Variants in PDCD6 observed in about 807,000 individuals in gnomAD.
PDCD6 encodes programmed cell death 6.
Under a neutral mutation model 28.3 loss-of-function variants are expected in PDCD6, and 12 were observed. The observed-to-expected ratio is 0.42, with a 90% CI of 0.27 to 0.69. The LOEUF is 0.69. PDCD6 is among the 30% of genes least tolerant of loss of function. The pLI is 0.22. For synonymous variants in PDCD6, 92 were observed against 108.0 expected (o/e 0.85, Z 0.92); for missense variants, 226 against 269.9 (o/e 0.84, Z 1.14).
At chr5:288,715 ATTG>A (rs199864367) in intron 2 of PDCD6, 79,650 of 483,508 alleles carry the variant, frequency 0.16, 10,682 homozygotes, top group African/African-American at 0.53. Flanking sequence ...AAAGTACTTT[ATTG>A]TTTTACAACC....
Position 314,446 on chromosome 5 carries a change from C to T in PDCD6, c.507C>T (p.Asp169=), listed in dbSNP as rs1192396391. 2 of 1,613,728 alleles carry T rather than the reference C, an allele frequency of 1.2e-6. No individual in the cohort carries two copies. The highest frequency in any genetic ancestry group is 2.7e-5 in the African/African-American group (2 of 75,050). ...QRLTDIFRRY[D]TDQDGWIQVS... ...TGACGGATATATTCAGACGTTACGA[C>T]ACGGATCAGGACGGCTGGATTCAGG... Residue 169 remains aspartate (D), a synonymous_variant, in exon 6 of 6, where the codon GAC becomes GAT. Transcript: ENST00000264933.
chr5:271,669 G>A lies in PDCD6; in HGVS notation c.-52G>A. 9.3e-7 allele frequency: 1 copy of A among 1,076,522 alleles called. No homozygotes were observed. Among genetic ancestry groups the A allele is most frequent in the Non-Finnish European group, 1.4e-6 (1 of 730,250 alleles). 66.7% of individuals were successfully genotyped at this position (1,076,522 alleles called of 1,614,324 possible). On this transcript the variant is annotated 5_prime_UTR_variant, in exon 1 of 6. Coordinates refer to ENST00000264933, the MANE Select transcript of PDCD6 (RefSeq NM_013232.4). ...GCAGAGGCGGAAGCGGAGTCGGCCTGAGAGGTCTCTCGTCGCTGCAGGCGC... is the reference window on the plus strand; with the variant it reads ...GCAGAGGCGGAAGCGGAGTCGGCCTAAGAGGTCTCTCGTCGCTGCAGGCGC...
At chr5:297,360 G>A (rs1203565692) in intron 2 of PDCD6, among the ~76,000 whole-genome samples, 1 of 152,176 alleles carries the variant, frequency 6.6e-6, no homozygotes, top group Non-Finnish European at 1.5e-5. Context: ...TAAAGGGTAC[G>A]GATTTCATAA....
intron 5 of PDCD6, among the ~76,000 whole-genome samples, chr5:312,781 G>GCC (rs1741005285): frequency 6.6e-6 from 1 of 152,176 alleles, no homozygotes; most frequent in South Asian, 2.1e-4. Context: ...CTGCACTCCA[G>GCC]CCTGGGTGAC....
chr5:309,573 G>A lies in PDCD6; in HGVS notation c.368-1720G>A, dbSNP rs561981680. 283 of 238,936 alleles carry A rather than the reference G, an allele frequency of 1.2e-3. 2 individuals carry two copies. Among genetic ancestry groups the A allele is most frequent in the African/African-American group, 6.6e-3 (271 of 40,966 alleles). The allele number at this position is 238,936 out of a possible 1,614,324, so 14.8% of individuals were successfully genotyped here. A position where few individuals can be genotyped will look rare whatever the true frequency, so the allele number is the denominator to read the frequency against. ...GAGACCAGTAATGACCTCTGTCCCC[G>A]TGCACCCCAGTGATGGCCGCCGTCC... On this transcript the variant is annotated intron_variant, in intron 4 of 5. Coordinates refer to ENST00000264933, the MANE Select transcript of PDCD6 (RefSeq NM_013232.4).
intron 2 of PDCD6, among the ~76,000 whole-genome samples, chr5:288,064 T>C (rs1303856528): frequency 6.6e-6 from 1 of 152,090 alleles, no homozygotes; most frequent in East Asian, 1.9e-4. Context: ...ACAAAAGAAT[T>C]TGAGTTTGAA....
chr5:298,515 G>A (rs112192980), intron 2 of PDCD6, among the ~76,000 whole-genome samples: 63 of 151,924 alleles, frequency 4.1e-4, no homozygotes, highest in African/African-American at 1.4e-3. Flanking sequence ...GTGGGGCTCC[G>A]GCAGGCCCCA....
chr5:275,493 A>G (rs1007018057), intron 2 of PDCD6, among the ~76,000 whole-genome samples: 4 of 152,222 alleles, frequency 2.6e-5, no homozygotes. Context: ...TTCCTCTTCA[A>G]TTTAGCTGCT....
intron 2 of PDCD6, among the ~76,000 whole-genome samples, chr5:282,213 C>T (rs1738613841): frequency 7.0e-6 from 1 of 142,544 alleles, no homozygotes; most frequent in Admixed American, 7.5e-5. Flanking sequence ...GAGGAACCTA[C>T]AGCTGGAGAC....
At chr5:298,640 C>T (rs1334425523) in intron 2 of PDCD6, among the ~76,000 whole-genome samples, 1 of 132,686 alleles carries the variant, frequency 7.5e-6, no homozygotes, top group Non-Finnish European at 1.6e-5. Flanking sequence ...CCCAGCTGCT[C>T]CCCCCAGCTG....
At chr5:296,234 C>T (rs1288941349) in intron 2 of PDCD6, among the ~76,000 whole-genome samples, 1 of 152,196 alleles carries the variant, frequency 6.6e-6, no homozygotes, top group Admixed American at 6.5e-5. Flanking sequence ...ATCTGATCGG[C>T]CACGACACCT....
intron 2 of PDCD6, among the ~76,000 whole-genome samples, chr5:290,584 G>C (rs1739258377): frequency 6.6e-6 from 1 of 152,226 alleles, no homozygotes; most frequent in African/African-American, 2.4e-5. Flanking sequence ...TCTTGGAGAA[G>C]CAATGGATGA....
intron 2 of PDCD6, among the ~76,000 whole-genome samples, chr5:280,715 G>A (rs1335376002): frequency 6.0e-5 from 9 of 150,862 alleles, no homozygotes; most frequent in African/African-American, 2.2e-4. Context: ...GGGCTGTGAG[G>A]GCACTGTAGG....
In PDCD6 at chr5:271,711, G is replaced by C. The variant is rs1342082033; in HGVS notation, c.-10G>C. On this transcript the variant is annotated 5_prime_UTR_variant, in exon 1 of 6. Transcript: ENST00000264933. ...TGCAGGCGCCTCAGCCCAGCCGCGT[G>C]CCTTGGCCCATGGCCGCCTACTCTT... The C allele has an allele frequency of 2.6e-6, 4 of 1,515,574 alleles. No homozygotes were observed. In the African/African-American group the frequency reaches 5.6e-5, roughly 21 times the overall value. 93.9% of individuals were successfully genotyped at this position (1,515,574 alleles called of 1,614,324 possible). A position where few individuals can be genotyped will look rare whatever the true frequency, so the allele number is the denominator to read the frequency against.
Position 305,676 on chromosome 5 carries a change from C to CA in PDCD6, c.209-925dup, listed in dbSNP as rs55961415. The CA allele has an allele frequency of 0.034, 5,171 of 152,338 alleles. 158 individuals carry two copies. Among genetic ancestry groups the CA allele is most frequent in the Middle Eastern group, 0.058 (17 of 294 alleles). The allele number at this position is 152,338 out of a possible 1,614,324, so 9.4% of individuals were successfully genotyped here. ...TGCACGCAACAGCATCGTCCACACA[C>CA]ACTGCACACATCGTGGAATGGTCGT... On this transcript the variant is annotated intron_variant, in intron 3 of 5. Coordinates refer to ENST00000264933, the MANE Select transcript of PDCD6 (RefSeq NM_013232.4). This position sits in a 1 kb window ranked among gnomAD's most constrained non-coding sequence, Gnocchi z 4.0.
At chr5:283,350 A>G (rs771391505) in intron 2 of PDCD6, among the ~76,000 whole-genome samples, 31 of 152,136 alleles carry the variant, frequency 2.0e-4, no homozygotes, top group Admixed American at 6.5e-5. Context: ...AGGATCATGG[A>G]GGTGAAAACC....
intron 2 of PDCD6, among the ~76,000 whole-genome samples, chr5:302,428 C>T (rs1740147735): frequency 9.4e-6 from 1 of 105,852 alleles, no homozygotes; most frequent in Admixed American, 8.8e-5. Context: ...GTGCACCTGC[C>T]TTTGTGGGGA....
intron 2 of PDCD6, among the ~76,000 whole-genome samples, chr5:300,374 G>A (rs866637853): frequency 3.9e-5 from 6 of 152,234 alleles, no homozygotes; most frequent in Admixed American, 1.3e-4. Context: ...GTGTGACTCC[G>A]CTGGGAGGGA....
intron 2 of PDCD6, among the ~76,000 whole-genome samples, chr5:280,227 A>G (rs949478329): frequency 6.6e-6 from 1 of 152,158 alleles, no homozygotes; most frequent in African/African-American, 2.4e-5. Context: ...GGCAGAGGGC[A>G]CAGCAGGGCA....
Sources: gnomAD v4.1 joint callset for allele counts (sites outside exome capture counted in the v4.1 genomes callset) on GRCh38, gnomAD v4.1.1 for gene constraint, Gnocchi (gnomAD v3.1) non-coding constraint, MANE v1.5 for transcripts, NCBI Gene and HGNC (gene_info 2026-07-23, HGNC 2026-07-21) for gene names.